Variants in GNPDA2 observed in about 807,000 individuals in gnomAD.
GNPDA2 encodes the protein glcN6P deaminase 2.
In GNPDA2, 24 loss-of-function variants were observed where a neutral mutation model predicts 27.0. The ratio of observed to expected loss-of-function variants is 0.89; its 90% CI spans 0.64 to 1.25. The LOEUF is 1.25. GNPDA2 is among the 50% of genes most tolerant of loss of function. The pLI, the probability that GNPDA2 is intolerant of heterozygous loss-of-function variation, is 0.00. For synonymous variants in GNPDA2, 94 were observed against 108.4 expected (o/e 0.87, Z 0.83); for missense variants, 286 against 335.1 (o/e 0.85, Z 1.14).
chr4:44,704,539 C>G lies in GNPDA2; in HGVS notation c.770-1397G>C, dbSNP rs567774379. On this transcript the variant is annotated intron_variant, in intron 6 of 6. Transcript: ENST00000295448. ...TTTTATACATCAAATAGGACTGCTT[C>G]CAAACTAGAAATAATTATTTTGAAA... is the stretch of plus-strand genomic sequence containing the variant. 49 of 720,522 alleles carry G rather than the reference C, an allele frequency of 6.8e-5. No homozygotes were observed. In the Middle Eastern group the frequency reaches 2.9e-3, roughly 42 times the overall value. 44.6% of individuals were successfully genotyped at this position (720,522 alleles called of 1,614,324 possible).
chr4:44,721,967 C>A, intron 2 of GNPDA2, 117 bp downstream of exon 2: 1 of 749,496 alleles, frequency 1.3e-6, no homozygotes. Context: ...CTATGATGTT[C>A]AATTAGTGAC....
chr4:44,714,430 C>T, intron 4 of GNPDA2: 1 of 985,344 alleles, frequency 1.0e-6, no homozygotes, highest in African/African-American at 1.7e-5. Context: ...TTTTCTTTCC[C>T]TCTTCCCTCA....
At position 44,702,246 on chromosome 4, in the gene GNPDA2, T is replaced by TTA. The variant is rs1342039537; in HGVS notation, c.*833_*834dup. 1.6e-6 allele frequency: 1 copy of TTA among 628,828 alleles called. No homozygotes were observed. Among genetic ancestry groups the TTA allele is most frequent in the Non-Finnish European group, 2.0e-6 (1 of 504,076 alleles). 39.0% of individuals were successfully genotyped at this position (628,828 alleles called of 1,614,324 possible). A position where few individuals can be genotyped will look rare whatever the true frequency, so the allele number is the denominator to read the frequency against. On this transcript the variant is annotated 3_prime_UTR_variant, in exon 7 of 7. Transcript: ENST00000295448. ...GCAATGTAGTTTACAGTAATTCCTTTTATATATACTTCGTATTATTCTTTT... is the reference window on the plus strand; with the variant it reads ...GCAATGTAGTTTACAGTAATTCCTTTTATATATATACTTCGTATTATTCTTTT...
chr4:44,709,329 G>T (rs1438956960), intron 5 of GNPDA2, among the ~76,000 whole-genome samples: 1 of 152,012 alleles, frequency 6.6e-6, no homozygotes, highest in Non-Finnish European at 1.5e-5. Context: ...AAAACAAATT[G>T]GTCTTTAAAT....
intron 2 of GNPDA2, among the ~76,000 whole-genome samples, chr4:44,720,924 A>G (rs889017775): frequency 1.3e-5 from 2 of 152,134 alleles, no homozygotes; most frequent in Admixed American, 1.3e-4. Flanking sequence ...AATTAACACA[A>G]TGTTATTAAC....
chr4:44,710,600 A>AGT (rs1716911680), intron 5 of GNPDA2, among the ~76,000 whole-genome samples: 1 of 152,166 alleles, frequency 6.6e-6, no homozygotes, highest in African/African-American at 2.4e-5. Context: ...AAAAAGATGT[A>AGT]GTGTAACTAG....
intron 4 of GNPDA2, among the ~76,000 whole-genome samples, chr4:44,711,828 T>C (rs60812677): frequency 0.42 from 61,527 of 148,122 alleles, 13,002 homozygotes; most frequent in African/African-American, 0.48. Flanking sequence ...TATATATATA[T>C]ACACATATAC....
intron 5 of GNPDA2, among the ~76,000 whole-genome samples, 172 bp downstream of exon 5, chr4:44,710,781 G>C (rs1163270655): frequency 6.6e-6 from 1 of 152,134 alleles, no homozygotes; most frequent in Non-Finnish European, 1.5e-5. Context: ...AGACTTAATT[G>C]ATCCCTAAAC....
Position 44,717,307 on chromosome 4 carries a change from G to A in GNPDA2, c.227-12C>T. On this transcript the variant is annotated splice_polypyrimidine_tract_variant and intron_variant, in intron 3 of 6. Coordinates refer to ENST00000295448, the MANE Select transcript of GNPDA2 (RefSeq NM_138335.3). ...ATTTCTTGGAAGTCCTAAAGATGAA[G>A]TTAATAAAAATATAAGTATTCCTGA... The A allele has an allele frequency of 7.2e-7, 1 of 1,385,282 alleles. No homozygotes were observed. The highest frequency in any genetic ancestry group is 9.8e-7 in the Non-Finnish European group (1 of 1,019,340). 85.8% of individuals were successfully genotyped at this position (1,385,282 alleles called of 1,614,324 possible). A position where few individuals can be genotyped will look rare whatever the true frequency, so the allele number is the denominator to read the frequency against.
chr4:44,715,894 C>T (rs1180288660), intron 4 of GNPDA2, among the ~76,000 whole-genome samples: 1 of 151,838 alleles, frequency 6.6e-6, no homozygotes, highest in African/African-American at 2.4e-5. Context: ...AGAGGGAATT[C>T]GGTAAAAATC....
chr4:44,712,209 C>G (rs901701746), intron 4 of GNPDA2, among the ~76,000 whole-genome samples: 21 of 151,992 alleles, frequency 1.4e-4, no homozygotes, highest in African/African-American at 4.8e-4. Context: ...TTCTGGTAAC[C>G]TCAGCCAAAA....
At chr4:44,718,730 T>A (rs939661667) in intron 2 of GNPDA2, among the ~76,000 whole-genome samples, 1 of 151,790 alleles carries the variant, frequency 6.6e-6, no homozygotes, top group Non-Finnish European at 1.5e-5. Flanking sequence ...TTTAAAAATC[T>A]CCCTTTCTGA....
At chr4:44,710,833 A>G in intron 5 of GNPDA2, 120 bp downstream of exon 5, 1 of 861,948 alleles carries the variant, frequency 1.2e-6, no homozygotes, top group Non-Finnish European at 1.7e-6. Flanking sequence ...GAAAACTAGA[A>G]AACAATTTAT....
intron 2 of GNPDA2, 82 bp from the exon 3 acceptor site, chr4:44,718,492 TCTTA>T (rs1337160074): frequency 2.1e-5 from 9 of 422,140 alleles, no homozygotes; most frequent in African/African-American, 8.3e-5. Flanking sequence ...CCTGTGTTTT[TCTTA>T]CTTAATAATA....
At chr4:44,703,322 A>G in intron 6 of GNPDA2, 180 bp from the exon 7 acceptor site, 1 of 1,377,936 alleles carries the variant, frequency 7.3e-7, no homozygotes, top group Non-Finnish European at 9.3e-7. Context: ...AGTTTTATCT[A>G]CCTAGCAAAT....
At chr4:44,722,281 C>T (rs543533497) in intron 1 of GNPDA2, 39 bp from the exon 2 acceptor site, 1 of 1,464,416 alleles carries the variant, frequency 6.8e-7, no homozygotes, top group East Asian at 2.4e-5. Flanking sequence ...ACATAATAAA[C>T]AGATAATTTA....
intron 2 of GNPDA2, 25 bp from the exon 3 acceptor site, chr4:44,718,435 T>C: frequency 2.4e-6 from 2 of 841,912 alleles, no homozygotes; most frequent in African/African-American, 3.5e-5. Flanking sequence ...AATTCCATTT[T>C]CTAAAATGAC....
At position 44,711,045 on chromosome 4, in the gene GNPDA2, A is replaced by T. The variant is rs1321230120; in HGVS notation, c.502T>A (p.Leu168Met). ...RLKTLAMDTI[L>M]ANAKYFDGDL... Reference sequence around the variant, plus strand: ...CCATCAAAATATTTGGCATTTGCCAAGATGGTATCCATTGCTAGAGTCTTT... The same window carrying T: ...CCATCAAAATATTTGGCATTTGCCATGATGGTATCCATTGCTAGAGTCTTT... Residue 168 changes from leucine (L) to methionine (M), a missense_variant, in exon 5 of 7, where the codon TTG becomes ATG. By Grantham distance (15) the Leu-to-Met change is conservative. Coordinates refer to ENST00000295448, the MANE Select transcript of GNPDA2 (RefSeq NM_138335.3). The T allele has an allele frequency of 6.2e-7, 1 of 1,613,606 alleles. No individual in the cohort carries two copies. The highest frequency in any genetic ancestry group is 8.5e-7 in the Non-Finnish European group (1 of 1,179,680).
intron 6 of GNPDA2, chr4:44,704,224 A>G (rs1269826661): frequency 1.0e-5 from 10 of 984,562 alleles, no homozygotes; most frequent in Non-Finnish European, 1.2e-5. Context: ...TAGTCCTGCA[A>G]CTGCTCAACA....
Sources: gnomAD v4.1 joint callset for allele counts (sites outside exome capture counted in the v4.1 genomes callset) on GRCh38, gnomAD v4.1.1 for gene constraint, MANE v1.5 for transcripts, NCBI Gene and HGNC (gene_info 2026-07-23, HGNC 2026-07-21) for gene names.